PCNX2: variants seen among roughly 807,000 people sequenced by gnomAD.
The protein encoded by PCNX2 is pecanex 2, also known as pecanex-like protein 2.
A neutral mutation model predicts 223.8 loss-of-function variants in PCNX2; 168 were observed. That is an observed-to-expected ratio of 0.75 (90% CI 0.66 to 0.85). The LOEUF is 0.85. Ranked by LOEUF, PCNX2 falls within the 40% of genes least tolerant of loss-of-function variation. The pLI is 0.00. For missense variants in PCNX2, 2,507 were observed against 2,675.5 expected (o/e 0.94, Z 1.39); for synonymous variants, 1,006 against 1,052.6 (o/e 0.96, Z 0.86).
In PCNX2 at chr1:232,984,450, C is replaced by G; in HGVS notation, c.6268G>C (p.Asp2090His). The G allele has an allele frequency of 6.2e-7, 1 of 1,613,486 alleles. No homozygotes were observed. The highest frequency in any genetic ancestry group is 8.5e-7 in the Non-Finnish European group (1 of 1,179,738). Residue 2090 changes from aspartate (D) to histidine (H), a missense_variant, in exon 34 of 34, where the codon GAT (aspartate) becomes CAT (histidine). By Grantham distance (81) the Asp-to-His change is moderately conservative. This residue lies in a region of PCNX2 where 1,372 missense variants were observed against 1,509.4 expected (regional missense o/e 0.91). Coordinates refer to ENST00000258229, the MANE Select transcript of PCNX2 (RefSeq NM_014801.4). Reference sequence around the variant, plus strand: ...TGAAGCTGCCCCTGCTCGGTGGCATCAGGGGGCTCACATGGCTCGGAGAGG... The same window carrying G: ...TGAAGCTGCCCCTGCTCGGTGGCATGAGGGGGCTCACATGGCTCGGAGAGG... The part of the protein sequence containing the change: ...RHLSEPCEPP[D>H]ATEQGQLHDR...
chr1:233,298,601 T>C (rs1219724158), upstream of PCNX2, among the ~76,000 whole-genome samples: 3 of 152,134 alleles, frequency 2.0e-5, no homozygotes, highest in East Asian at 5.8e-4. Flanking sequence ...AAAACCTAAG[T>C]ATGCTGGCCA....
At chr1:233,041,380 C>T (rs190892005) in intron 25 of PCNX2, among the ~76,000 whole-genome samples, 8 of 152,194 alleles carry the variant, frequency 5.3e-5, no homozygotes, top group Admixed American at 3.3e-4. Flanking sequence ...GATGTGATGC[C>T]GCAAGTGAAA....
chr1:233,318,650 G>A, the PCNX2 span, among the ~76,000 whole-genome samples: 8 of 131,034 alleles, frequency 6.1e-5, no homozygotes, highest in Admixed American at 4.6e-4. Context: ...TGCAACCTCC[G>A]CCCCCGCCCA....
Position 233,001,252 on chromosome 1 carries a change from G to A in PCNX2, c.5097+285C>T, listed in dbSNP as rs531171193. ...CCCAGCACTTTGGGAGGCTAAGGCGGGCAGATCACTTAAGGTCGGGAGTTC... is the reference window on the plus strand; with the variant it reads ...CCCAGCACTTTGGGAGGCTAAGGCGAGCAGATCACTTAAGGTCGGGAGTTC... On this transcript the variant is annotated intron_variant, in intron 29 of 33. Transcript: ENST00000258229. The surrounding 1 kb of genome is among the most constrained non-coding windows in gnomAD (Gnocchi z 4.2). Among the ~76,000 whole-genome samples the A allele has an allele frequency of 6.6e-6, 1 of 152,236 alleles. No individual in the cohort carries two copies. The highest frequency in any genetic ancestry group is 2.1e-4 in the South Asian group (1 of 4,830).
chr1:232,991,331 G>A lies in PCNX2; in HGVS notation c.5792-4791C>T, dbSNP rs574332380. On this transcript the variant is annotated intron_variant, in intron 32 of 33. Transcript: ENST00000258229. The surrounding 1 kb of genome is among the most constrained non-coding windows in gnomAD (Gnocchi z 4.3). The stretch of plus-strand genomic sequence containing the variant: ...AGGAGAATGCTTGACACTGTTGAGG[G>A]ACAGCAAGAGACCGTGTGCTGGGGA... Among the ~76,000 whole-genome samples, 12 of 152,180 alleles carry A rather than the reference G, an allele frequency of 7.9e-5. No individual in the cohort carries two copies. In the South Asian group the frequency reaches 2.5e-3, roughly 32 times the overall value.
At chr1:233,147,419 A>G (rs1315051302) in intron 19 of PCNX2, among the ~76,000 whole-genome samples, 1 of 152,178 alleles carries the variant, frequency 6.6e-6, no homozygotes, top group Non-Finnish European at 1.5e-5. Flanking sequence ...GTGGATCACC[A>G]TAAAGGTCTT....
intron 22 of PCNX2, among the ~76,000 whole-genome samples, chr1:233,091,470 G>A (rs1017802952): frequency 1.3e-5 from 2 of 152,110 alleles, no homozygotes; most frequent in African/African-American, 4.8e-5. Context: ...GGGGGTGGAA[G>A]TGGGGATTCC....
At chr1:233,040,007 T>A (rs1392136049) in intron 25 of PCNX2, among the ~76,000 whole-genome samples, 1 of 152,216 alleles carries the variant, frequency 6.6e-6, no homozygotes, top group Non-Finnish European at 1.5e-5. Context: ...ACAAATGCCG[T>A]ATCACGTATC....
intron 19 of PCNX2, among the ~76,000 whole-genome samples, chr1:233,146,901 C>T (rs1677485263): frequency 6.6e-6 from 1 of 152,166 alleles, no homozygotes; most frequent in Non-Finnish European, 1.5e-5. Flanking sequence ...AATCCCATTA[C>T]AGTCTACAAG....
At chr1:233,075,641 T>C (rs1473456469) in intron 23 of PCNX2, among the ~76,000 whole-genome samples, 2 of 151,552 alleles carry the variant, frequency 1.3e-5, no homozygotes, top group Non-Finnish European at 1.5e-5. Flanking sequence ...AAAGAATACA[T>C]GGGCTCTGTC....
intron 26 of PCNX2, chr1:233,019,027 G>C: frequency 2.0e-6 from 2 of 985,320 alleles, no homozygotes; most frequent in Non-Finnish European, 2.4e-6. Flanking sequence ...CCCTCCCTCT[G>C]TCTGGGAAAT....
intron 9 of PCNX2, among the ~76,000 whole-genome samples, chr1:233,230,020 C>T (rs190430402): frequency 1.3e-5 from 2 of 152,212 alleles, no homozygotes; most frequent in Admixed American, 6.5e-5. Context: ...CATGTTTTCA[C>T]TCATTGAACA....
At chr1:232,995,488 T>C (rs546992658) in intron 32 of PCNX2, among the ~76,000 whole-genome samples, 52 of 152,284 alleles carry the variant, frequency 3.4e-4, no homozygotes, top group African/African-American at 1.2e-3. Context: ...GCGTGTCATT[T>C]AAATATGTGG....
At chr1:233,099,897 A>G (rs1674386229) in intron 21 of PCNX2, among the ~76,000 whole-genome samples, 1 of 152,196 alleles carries the variant, frequency 6.6e-6, no homozygotes, top group Non-Finnish European at 1.5e-5. Flanking sequence ...AAGTACTTTA[A>G]ATAGAAATCT....
chr1:233,232,460 T>C (rs1353861326), intron 9 of PCNX2, among the ~76,000 whole-genome samples: 1 of 152,206 alleles, frequency 6.6e-6, no homozygotes, highest in African/African-American at 2.4e-5. Flanking sequence ...TATGATGGAT[T>C]TATAGGGACA....
chr1:233,212,604 G>A (rs1283732974), intron 12 of PCNX2, among the ~76,000 whole-genome samples: 1 of 152,122 alleles, frequency 6.6e-6, no homozygotes, highest in Non-Finnish European at 1.5e-5. Context: ...GCCGTCCAGG[G>A]CACTCCACTC....
intron 21 of PCNX2, among the ~76,000 whole-genome samples, chr1:233,123,284 CT>C (rs1214092277): frequency 6.6e-6 from 1 of 152,058 alleles, no homozygotes; most frequent in Non-Finnish European, 1.5e-5. Context: ...CAAAATACAT[CT>C]TTTAAAAAAC....
At chr1:233,194,165 G>T (rs1384024262) in intron 15 of PCNX2, among the ~76,000 whole-genome samples, 2 of 151,666 alleles carry the variant, frequency 1.3e-5, no homozygotes, top group African/African-American at 2.4e-5. Flanking sequence ...AAAAAGAAAC[G>T]TTACTAACAG....
At chr1:233,237,250 G>A (rs1263350921) in intron 8 of PCNX2, among the ~76,000 whole-genome samples, 1 of 152,176 alleles carries the variant, frequency 6.6e-6, no homozygotes, top group Non-Finnish European at 1.5e-5. Flanking sequence ...GTGTTCTACA[G>A]ATGACAACCT....
Sources: allele counts gnomAD v4.1 joint callset (sites outside exome capture counted in the v4.1 genomes callset), GRCh38; gene constraint gnomAD v4.1.1; regional missense constraint gnomAD v4.1.1; non-coding constraint Gnocchi (gnomAD v3.1); transcripts MANE v1.5; gene names NCBI Gene and HGNC (gene_info 2026-07-23, HGNC 2026-07-21).